Variants in STAG1 observed in about 807,000 individuals in gnomAD.
STAG1 encodes cohesin subunit SA-1.
In STAG1, 26 loss-of-function variants were observed where a neutral mutation model predicts 170.9. That is an observed-to-expected ratio of 0.15 (90% confidence interval 0.11 to 0.21). The LOEUF (loss-of-function observed/expected upper bound fraction) is 0.21, where lower values mean the gene tolerates loss of function less well. Ranked by LOEUF, STAG1 falls within the 10% of genes least tolerant of loss-of-function variation. The pLI is 1.00. For missense variants in STAG1, 964 were observed against 1,509.5 expected (o/e 0.64, Z 5.99); for synonymous variants, 514 against 497.7 (o/e 1.03, Z -0.44).
At chr3:136,617,029 A>G (rs936054613) in intron 3 of STAG1, among the ~76,000 whole-genome samples, 1 of 152,198 alleles carries the variant, frequency 6.6e-6, no homozygotes, top group Non-Finnish European at 1.5e-5. Context: ...ATATACTAAC[A>G]AACTTCACTT....
chr3:136,417,672 A>G, intron 21 of STAG1: 1 of 445,776 alleles, frequency 2.2e-6, no homozygotes, highest in Non-Finnish European at 4.0e-6. Flanking sequence ...TTTTTAAGAT[A>G]TGTTATAGCA....
At chr3:136,404,049 T>A (rs1173067484) in intron 21 of STAG1, among the ~76,000 whole-genome samples, 2 of 152,216 alleles carry the variant, frequency 1.3e-5, no homozygotes, top group African/African-American at 2.4e-5. Flanking sequence ...CTCTTAGCCA[T>A]TTTGATATTT....
At chr3:136,344,706 C>T (rs1444008144) in intron 29 of STAG1, among the ~76,000 whole-genome samples, 1 of 151,828 alleles carries the variant, frequency 6.6e-6, no homozygotes, top group Non-Finnish European at 1.5e-5. Flanking sequence ...CTCCGCCTCC[C>T]AGGTTCAAGC....
chr3:136,498,245 T>TAC (rs1464716530), intron 9 of STAG1, among the ~76,000 whole-genome samples: 2 of 68,258 alleles, frequency 2.9e-5, no homozygotes, highest in African/African-American at 8.5e-5. Context: ...CACATACATA[T>TAC]ACATACACAC....
In STAG1 at chr3:136,476,623, T is replaced by C. The variant is rs534325815; in HGVS notation, c.1026+666A>G. Among the ~76,000 whole-genome samples the C allele has an allele frequency of 7.9e-4, 121 of 152,318 alleles. 1 individual carries two copies. Among genetic ancestry groups the C allele is most frequent in the African/African-American group, 2.9e-3 (119 of 41,576 alleles). ...ATAAGGTAGTATTCATGAAAAATAC[T>C]TCAGAAAACTGTAAAATAACTTATA... On this transcript the variant is annotated intron_variant, in intron 10 of 33. Coordinates refer to ENST00000383202, the MANE Select transcript of STAG1 (RefSeq NM_005862.3).
intron 1 of STAG1, among the ~76,000 whole-genome samples, chr3:136,748,653 C>T (rs1470386312): frequency 1.3e-5 from 2 of 151,846 alleles, no homozygotes; most frequent in Non-Finnish European, 2.9e-5. Context: ...CCACCCACCT[C>T]GGCCTCCCAA....
chr3:136,685,092 A>G (rs1200820762), intron 1 of STAG1, among the ~76,000 whole-genome samples: 1 of 152,180 alleles, frequency 6.6e-6, no homozygotes, highest in Non-Finnish European at 1.5e-5. Flanking sequence ...AGGCAGGTGG[A>G]TCACCTGAGG....
At chr3:136,736,560 C>T in intron 1 of STAG1, 11 of 1,506,070 alleles carry the variant, frequency 7.3e-6, no homozygotes, top group South Asian at 2.3e-5. Flanking sequence ...CTCTTTCTTC[C>T]CCTTTGTATT....
At position 136,460,082 on chromosome 3, in the gene STAG1, T is replaced by C. The variant is rs199710423; in HGVS notation, c.1313+4799A>G. On this transcript the variant is annotated intron_variant, in intron 13 of 33. Coordinates refer to ENST00000383202, the MANE Select transcript of STAG1 (RefSeq NM_005862.3). Reference sequence around the variant, plus strand: ...ATACAAAAGACCAATGAAACCACAATTGGTTTTTTAAAAAATAAACAAAAT... The same window carrying C: ...ATACAAAAGACCAATGAAACCACAACTGGTTTTTTAAAAAATAAACAAAAT... Among the ~76,000 whole-genome samples, 12 of 152,210 alleles carry C rather than the reference T, an allele frequency of 7.9e-5. No homozygotes were observed. In the East Asian group the frequency reaches 1.4e-3, roughly 17 times the overall value.
At chr3:136,494,164 T>C (rs1441762662) in intron 9 of STAG1, among the ~76,000 whole-genome samples, 2 of 151,758 alleles carry the variant, frequency 1.3e-5, no homozygotes, top group African/African-American at 4.8e-5. Context: ...CCTAGCTACT[T>C]GGGAGCTGAG....
Position 136,421,167 on chromosome 3 carries a change from T to C in STAG1, c.2038-4A>G. 1.3e-6 allele frequency: 2 copies of C among 1,597,480 alleles called. No homozygotes were observed. Among genetic ancestry groups the C allele is most frequent in the Non-Finnish European group, 1.7e-6 (2 of 1,170,978 alleles). ...CATCATCATCAGCTTCTTCTCCCTA[T>C]AAAAAAAGGAAACATCACATCATTA... On this transcript the variant is annotated splice_polypyrimidine_tract_variant and splice_region_variant and intron_variant, in intron 19 of 33. Coordinates refer to ENST00000383202, the MANE Select transcript of STAG1 (RefSeq NM_005862.3).
At chr3:136,383,596 C>G (rs931870374) in intron 22 of STAG1, among the ~76,000 whole-genome samples, 1 of 152,152 alleles carries the variant, frequency 6.6e-6, no homozygotes, top group African/African-American at 2.4e-5. Flanking sequence ...AAATTTTTCA[C>G]AGATTAACAA....
intron 22 of STAG1, among the ~76,000 whole-genome samples, chr3:136,390,193 C>G (rs2086971967): frequency 1.3e-5 from 2 of 152,080 alleles, no homozygotes; most frequent in African/African-American, 4.8e-5. Context: ...TCTAGGGACT[C>G]AGGAACAGGG....
chr3:136,341,376 C>A (rs543860628), intron 31 of STAG1, 65 bp downstream of exon 31: 2 of 1,080,338 alleles, frequency 1.9e-6, no homozygotes, highest in East Asian at 2.4e-5. Context: ...AAACCCAAGT[C>A]ATTTCACAAA....
chr3:136,350,346 A>G (rs1936389330), intron 28 of STAG1, among the ~76,000 whole-genome samples: 1 of 152,158 alleles, frequency 6.6e-6, no homozygotes, highest in South Asian at 2.1e-4. Context: ...AGAAAGAAGC[A>G]TACCATTTGC....
At chr3:136,470,030 C>G (rs182240632) in intron 12 of STAG1, among the ~76,000 whole-genome samples, 1 of 152,120 alleles carries the variant, frequency 6.6e-6, no homozygotes, top group African/African-American at 2.4e-5. Context: ...ACCATAAAAA[C>G]CCTAGAAGAA....
At chr3:136,453,767 C>T (rs903530181) in intron 13 of STAG1, among the ~76,000 whole-genome samples, 5 of 145,494 alleles carry the variant, frequency 3.4e-5, no homozygotes, top group Non-Finnish European at 7.5e-5. Flanking sequence ...AAAAAAAAAA[C>T]GGTATATGTA....
intron 3 of STAG1, among the ~76,000 whole-genome samples, chr3:136,616,226 G>C (rs938398536): frequency 6.6e-6 from 1 of 150,702 alleles, no homozygotes; most frequent in African/African-American, 2.4e-5. Flanking sequence ...CCGAGATCGC[G>C]CCACTGCACT....
chr3:136,383,950 G>A (rs1458239613), intron 22 of STAG1, among the ~76,000 whole-genome samples: 32 of 119,280 alleles, frequency 2.7e-4, no homozygotes, highest in African/African-American at 6.1e-4. Flanking sequence ...GCAAGACTCC[G>A]TCTCAAAAAA....
Sources: gnomAD v4.1 joint callset for allele counts (sites outside exome capture counted in the v4.1 genomes callset) on GRCh38, gnomAD v4.1.1 for gene constraint, MANE v1.5 for transcripts, NCBI Gene and HGNC (gene_info 2026-07-23, HGNC 2026-07-21) for gene names.